Variants in CNTNAP3 observed in about 807,000 individuals in gnomAD.
CNTNAP3 encodes contactin-associated protein-like 3.
In CNTNAP3, 36 loss-of-function variants were observed where a neutral mutation model predicts 92.1. That is an observed-to-expected ratio of 0.39 (90% CI 0.30 to 0.52). CNTNAP3 has a LOEUF of 0.52. CNTNAP3 is among the 20% of genes least tolerant of loss of function. CNTNAP3 has a pLI of 0.76. For missense variants in CNTNAP3, 534 were observed against 1,069.6 expected, an observed-to-expected ratio of 0.50 and a Z score of 6.98; for synonymous variants, 232 against 422.3, an observed-to-expected ratio of 0.55 and a Z score of 5.53.
chr9:39,125,212 CATGG>C (rs977222719), intron 13 of CNTNAP3, among the ~76,000 whole-genome samples: 3 of 151,970 alleles, frequency 2.0e-5, no homozygotes, highest in Non-Finnish European at 4.4e-5. Context: ...TTTGTAGGGC[CATGG>C]ATGAAGCTGG....
At chr9:39,122,154 A>G (rs1165725404) in intron 13 of CNTNAP3, among the ~76,000 whole-genome samples, 1 of 152,132 alleles carries the variant, frequency 6.6e-6, no homozygotes, top group African/African-American at 2.4e-5. Context: ...GGAGATCGAG[A>G]CCATCCTGGC....
chr9:39,086,518 A>C (rs1197014919), intron 20 of CNTNAP3, 198 bp downstream of exon 20: 3 of 718,610 alleles, frequency 4.2e-6, no homozygotes, highest in African/African-American at 3.7e-5. Flanking sequence ...ATTGCTAAAC[A>C]AACAAAACAA....
chr9:39,130,511 T>C (rs1474935720), intron 13 of CNTNAP3, among the ~76,000 whole-genome samples: 1 of 143,980 alleles, frequency 6.9e-6, no homozygotes, highest in East Asian at 2.0e-4. Context: ...TTTTTTTTTT[T>C]TTTTTTGAGA....
rs1032088920 is a variant in CNTNAP3 at position 39,068,757 on chromosome 9, C to G, written c.*5133G>C. Among the ~76,000 whole-genome samples the G allele has an allele frequency of 1.8e-4, 27 of 152,360 alleles. No individual in the cohort carries two copies. The highest frequency in any genetic ancestry group is 6.0e-4 in the African/African-American group (25 of 41,546). ...GACTTGCTAGGCTTCCTTAAGCTAT[C>G]TATCTCCATTGTCACTGCTGTCTCA... On this transcript the variant is annotated 3_prime_UTR_variant, in exon 24 of 24. Coordinates refer to ENST00000297668, the MANE Select transcript of CNTNAP3 (RefSeq NM_033655.5).
intron 1 of CNTNAP3, among the ~76,000 whole-genome samples, chr9:39,273,156 A>G (rs1822942723): frequency 1.5e-5 from 1 of 67,284 alleles, no homozygotes; most frequent in South Asian, 5.9e-4. Context: ...TTCAACTTAT[A>G]ACATCTTAAA....
chr9:39,102,788 C>G (rs1158991433), intron 16 of CNTNAP3, 73 bp from the exon 17 acceptor site: 1 of 956,816 alleles, frequency 1.0e-6, no homozygotes, highest in Non-Finnish European at 1.6e-6. Flanking sequence ...CACAGGAAAA[C>G]ATGAAGGCAC....
At chr9:39,098,606 G>A (rs1325423622) in intron 18 of CNTNAP3, among the ~76,000 whole-genome samples, 1 of 152,152 alleles carries the variant, frequency 6.6e-6, no homozygotes, top group Non-Finnish European at 1.5e-5. Context: ...TGCTCATGAA[G>A]GAGTGGTTAC....
chr9:39,078,122 G>T (rs1386510585), intron 23 of CNTNAP3, among the ~76,000 whole-genome samples: 1 of 152,300 alleles, frequency 6.6e-6, no homozygotes, highest in African/African-American at 2.4e-5. Context: ...CAGGAGAATC[G>T]CTTGAACCCG....
At chr9:39,149,200 C>G (rs1397119760) in intron 10 of CNTNAP3, among the ~76,000 whole-genome samples, 1 of 152,152 alleles carries the variant, frequency 6.6e-6, no homozygotes, top group East Asian at 1.9e-4. Context: ...CATCATCCAA[C>G]TGATGGGTGT....
At position 39,072,778 on chromosome 9, in the gene CNTNAP3, T is replaced by C. The variant is rs1424577858; in HGVS notation, c.*1112A>G. 5 of 141,732 alleles carry C rather than the reference T, an allele frequency of 3.5e-5. No individual in the cohort carries two copies. The highest frequency in any genetic ancestry group is 4.3e-4 in the East Asian group (2 of 4,610). The allele number at this position is 141,732 out of a possible 1,614,324, so 8.8% of individuals were successfully genotyped here. On this transcript the variant is annotated 3_prime_UTR_variant, in exon 24 of 24. Coordinates refer to ENST00000297668, the MANE Select transcript of CNTNAP3 (RefSeq NM_033655.5). ...AGGAATTAGTGATCTTCAGTTAAGC[T>C]ATTTTTTTAATAAATTGAAAAGATG...
chr9:39,151,677 A>G (rs931036313), intron 9 of CNTNAP3, among the ~76,000 whole-genome samples: 1 of 147,482 alleles, frequency 6.8e-6, no homozygotes, highest in African/African-American at 2.5e-5. Context: ...TTAACATACA[A>G]ATATGAAAGA....
At chr9:39,114,104 A>G (rs1166415142) in intron 14 of CNTNAP3, among the ~76,000 whole-genome samples, 2 of 139,716 alleles carry the variant, frequency 1.4e-5, no homozygotes, top group Non-Finnish European at 3.1e-5. Context: ...TTTTTTTGAG[A>G]CAGAGTCTTG....
At chr9:39,100,295 G>GT (rs1826425995) in intron 17 of CNTNAP3, 145 bp from the exon 18 acceptor site, 1 of 1,542,276 alleles carries the variant, frequency 6.5e-7, no homozygotes, top group Non-Finnish European at 8.8e-7. Context: ...TTTTGAAAAT[G>GT]TAACTGTTAT....
At position 39,112,763 on chromosome 9, in the gene CNTNAP3, G is replaced by A. The variant is rs573584146; in HGVS notation, c.2238-3476C>T. On this transcript the variant is annotated intron_variant, in intron 14 of 23. Coordinates refer to ENST00000297668, the MANE Select transcript of CNTNAP3 (RefSeq NM_033655.5). Reference sequence around the variant, plus strand: ...AAAAATTTCTAGATTCTCAGTTTCTGTTTAATTGCCTATCTTCTGGCCAAT... The same window carrying A: ...AAAAATTTCTAGATTCTCAGTTTCTATTTAATTGCCTATCTTCTGGCCAAT... Among the ~76,000 whole-genome samples the A allele has an allele frequency of 3.0e-3, 461 of 152,228 alleles. 4 individuals are homozygous for A. Among genetic ancestry groups the A allele is most frequent in the African/African-American group, 0.01 (435 of 41,536 alleles).
chr9:39,131,692 G>A (rs1159861079), intron 13 of CNTNAP3, among the ~76,000 whole-genome samples: 9 of 152,172 alleles, frequency 5.9e-5, no homozygotes, highest in Non-Finnish European at 8.8e-5. Flanking sequence ...CGGGCATGGC[G>A]GCACCCGCCT....
At chr9:39,086,008 T>C in intron 20 of CNTNAP3, 185 bp from the exon 21 acceptor site, 1 of 673,282 alleles carries the variant, frequency 1.5e-6, no homozygotes. Flanking sequence ...AAGCAATTCC[T>C]ATGATGCCAT....
At chr9:39,278,408 C>G (rs1822974880) in intron 1 of CNTNAP3, among the ~76,000 whole-genome samples, 2 of 34,946 alleles carry the variant, frequency 5.7e-5, no homozygotes, top group African/African-American at 1.1e-4. Context: ...CCATCCCCAT[C>G]AAGCTACCAA....
chr9:39,104,618 G>A (rs1485178610), intron 15 of CNTNAP3, among the ~76,000 whole-genome samples: 3 of 152,012 alleles, frequency 2.0e-5, no homozygotes, highest in Non-Finnish European at 4.4e-5. Context: ...CACATCACAT[G>A]TATTCCTCAG....
chr9:39,112,389 G>C (rs1355646249), intron 14 of CNTNAP3, among the ~76,000 whole-genome samples: 1 of 151,900 alleles, frequency 6.6e-6, no homozygotes, highest in Non-Finnish European at 1.5e-5. Flanking sequence ...CTTTGAGACA[G>C]AGTCTCACTC....
Sources: gnomAD v4.1 joint callset for allele counts (sites outside exome capture counted in the v4.1 genomes callset) on GRCh38, gnomAD v4.1.1 for gene constraint, MANE v1.5 for transcripts, NCBI Gene and HGNC (gene_info 2026-07-23, HGNC 2026-07-21) for gene names.